HECW2: variants seen among roughly 807,000 people sequenced by gnomAD.
HECW2 encodes the protein E3 ubiquitin-protein ligase HECW2.
HECW2 carries 61 observed loss-of-function variants against 175.2 expected under a neutral mutation model. The ratio of observed to expected loss-of-function variants is 0.35; its 90% confidence interval spans 0.28 to 0.43. The LOEUF (loss-of-function observed/expected upper bound fraction) is 0.43. Among genes scored for constraint, HECW2 ranks in the 20% least tolerant of loss-of-function variants. The probability of loss-of-function intolerance (pLI) is 1.00; values close to 1 mark genes in which losing one functional copy is unlikely to be tolerated. For synonymous variants in HECW2, 671 were observed against 731.0 expected, an observed-to-expected ratio of 0.92 and a Z score of 1.32; for missense variants, 1,524 against 2,000.5, an observed-to-expected ratio of 0.76 and a Z score of 4.54.
intron 10 of HECW2, 149 bp from the exon 11 acceptor site, chr2:196,308,234 C>T: frequency 2.1e-6 from 1 of 477,114 alleles, no homozygotes; most frequent in Non-Finnish European, 3.6e-6. Context: ...CCATACTTCT[C>T]CCCAGTTCAC....
At chr2:196,346,505 C>T (rs1375329630) in intron 2 of HECW2, among the ~76,000 whole-genome samples, 1 of 152,184 alleles carries the variant, frequency 6.6e-6, no homozygotes, top group African/African-American at 2.4e-5. Context: ...AAATATTGTA[C>T]TACTTGCATA....
chr2:196,422,186 A>G (rs80026353), intron 2 of HECW2, among the ~76,000 whole-genome samples: 1 of 152,276 alleles, frequency 6.6e-6, no homozygotes, highest in East Asian at 1.9e-4. Flanking sequence ...GTGACCATAC[A>G]AGGATGCCTT....
chr2:196,330,799 T>C (rs1439601443), intron 4 of HECW2, among the ~76,000 whole-genome samples: 2 of 152,216 alleles, frequency 1.3e-5, no homozygotes, highest in Non-Finnish European at 2.9e-5. Context: ...ACCCTGCTTC[T>C]TGGCTACTAA....
chr2:196,329,167 T>G (rs1324128785), intron 5 of HECW2, among the ~76,000 whole-genome samples: 1 of 152,210 alleles, frequency 6.6e-6, no homozygotes, highest in Admixed American at 6.5e-5. Flanking sequence ...TTATCCACTT[T>G]CCAATTTGCA....
At chr2:196,464,848 T>A (rs1173689450) in intron 1 of HECW2, among the ~76,000 whole-genome samples, 4 of 152,106 alleles carry the variant, frequency 2.6e-5, no homozygotes, top group African/African-American at 9.7e-5. Flanking sequence ...GAGACCAGCC[T>A]GGCCTAACAC....
At position 196,209,614 on chromosome 2, in the gene HECW2, C is replaced by CCA. The variant is rs531207817; in HGVS notation, c.4607+6249_4607+6250dup. ...ATGAGAATCTCCTGTCAATTCTCTC[C>CCA]CACACGAAAAGCCACATCAGCTCAT... On this transcript the variant is annotated intron_variant, in intron 28 of 28. Transcript: ENST00000644978. Among the ~76,000 whole-genome samples, 140 of 152,202 alleles carry CCA rather than the reference C, an allele frequency of 9.2e-4. 1 individual carries two copies. The Middle Eastern group carries it at 0.014, about 15-fold the overall frequency.
At chr2:196,417,699 C>T (rs536169713) in intron 2 of HECW2, among the ~76,000 whole-genome samples, 2 of 152,322 alleles carry the variant, frequency 1.3e-5, no homozygotes, top group South Asian at 4.1e-4. Context: ...GCAGTTACAT[C>T]GAGTCATGTG....
At chr2:196,494,042 G>A (rs900403012) in intron 1 of HECW2, among the ~76,000 whole-genome samples, 7 of 152,218 alleles carry the variant, frequency 4.6e-5, no homozygotes, top group Non-Finnish European at 5.9e-5. Flanking sequence ...TCTCACAGAC[G>A]TCATGGCTTT....
intron 27 of HECW2, among the ~76,000 whole-genome samples, chr2:196,216,790 C>T (rs1401880497): frequency 6.6e-6 from 1 of 152,086 alleles, no homozygotes; most frequent in Admixed American, 6.6e-5. Flanking sequence ...CTTGACACTT[C>T]CCTAAACTCT....
Position 196,199,483 on chromosome 2 carries a change from T to C in HECW2, c.*1794A>G, listed in dbSNP as rs554107656. On this transcript the variant is annotated 3_prime_UTR_variant, in exon 29 of 29. Transcript: ENST00000644978. ...CTCTTGAGGGTCCCAGTAGTAAACA[T>C]AGCTTAACTCACAGGAGAGCAATCA... The C allele has an allele frequency of 2.0e-4, 31 of 152,698 alleles. 1 individual carries two copies. The South Asian group carries it at 2.3e-3, about 11-fold the overall frequency. 9.5% of individuals were successfully genotyped at this position (152,698 alleles called of 1,614,324 possible). A position where few individuals can be genotyped will look rare whatever the true frequency, so the allele number is the denominator to read the frequency against.
intron 4 of HECW2, chr2:196,331,232 G>C: frequency 1.0e-6 from 1 of 984,770 alleles, no homozygotes; most frequent in Non-Finnish European, 1.2e-6. Context: ...TCATAGAGTT[G>C]GCTCTCAACA....
At chr2:196,429,946 C>T (rs1166145755) in intron 2 of HECW2, among the ~76,000 whole-genome samples, 2 of 152,194 alleles carry the variant, frequency 1.3e-5, no homozygotes, top group African/African-American at 4.8e-5. Context: ...AGCAGCTTTA[C>T]AGGGCTGAGA....
At chr2:196,417,096 C>T (rs973883282) in intron 2 of HECW2, among the ~76,000 whole-genome samples, 3 of 152,228 alleles carry the variant, frequency 2.0e-5, no homozygotes, top group Admixed American at 1.3e-4. Flanking sequence ...TCTAAGCCTT[C>T]GGCTTCTAAT....
chr2:196,434,077 C>T (rs534229954), intron 1 of HECW2, among the ~76,000 whole-genome samples: 43 of 152,270 alleles, frequency 2.8e-4, no homozygotes, highest in Non-Finnish European at 2.8e-4. Context: ...TGTGATCTAA[C>T]GTACCATACA....
chr2:196,344,268 T>C (rs1692867888), intron 2 of HECW2, among the ~76,000 whole-genome samples: 1 of 141,546 alleles, frequency 7.1e-6, no homozygotes, highest in Non-Finnish European at 1.5e-5. Context: ...TCATCACATC[T>C]GTCAGGACAG....
chr2:196,449,202 T>C (rs1428869349), intron 1 of HECW2, among the ~76,000 whole-genome samples: 1 of 152,072 alleles, frequency 6.6e-6, no homozygotes, highest in Non-Finnish European at 1.5e-5. Context: ...CCCAGTACAT[T>C]ATGCACAGAA....
At chr2:196,297,775 T>C (rs1014154915) in intron 13 of HECW2, among the ~76,000 whole-genome samples, 2 of 152,246 alleles carry the variant, frequency 1.3e-5, no homozygotes, top group African/African-American at 2.4e-5. Context: ...TGAGCACTTG[T>C]ATACATTATT....
At chr2:196,469,053 A>G (rs1481532250) in intron 1 of HECW2, among the ~76,000 whole-genome samples, 1 of 152,026 alleles carries the variant, frequency 6.6e-6, no homozygotes, top group Non-Finnish European at 1.5e-5. Context: ...CCAGATGTGA[A>G]GAAGGAAGAC....
chr2:196,237,331 T>A (rs918504351), intron 21 of HECW2, among the ~76,000 whole-genome samples: 1 of 152,214 alleles, frequency 6.6e-6, no homozygotes, highest in Non-Finnish European at 1.5e-5. Flanking sequence ...TAGTCTTTTA[T>A]CCCTTGCCAC....
Sources: gnomAD v4.1 joint callset for allele counts (sites outside exome capture counted in the v4.1 genomes callset) on GRCh38, gnomAD v4.1.1 for gene constraint, MANE v1.5 for transcripts, NCBI Gene and HGNC (gene_info 2026-07-23, HGNC 2026-07-21) for gene names.